PAX2: variants seen among roughly 807,000 people sequenced by gnomAD.
The protein encoded by PAX2 is paired box protein Pax-2.
A neutral mutation model predicts 41.7 loss-of-function variants in PAX2; 9 were observed. The ratio of observed to expected loss-of-function variants is 0.22; its 90% CI spans 0.13 to 0.38. The LOEUF (loss-of-function observed/expected upper bound fraction) is 0.38. Ranked by LOEUF, PAX2 falls within the 10% of genes least tolerant of loss-of-function variation. PAX2 has a pLI of 1.00. For synonymous variants in PAX2, 221 were observed against 212.7 expected, an observed-to-expected ratio of 1.04 and a Z score of -0.34; for missense variants, 418 against 531.6, an observed-to-expected ratio of 0.79 and a Z score of 2.10.
chr10:100,797,839 C>T (rs7081628), intron 5 of PAX2, among the ~76,000 whole-genome samples: 394 of 152,276 alleles, frequency 2.6e-3, no homozygotes, highest in African/African-American at 8.9e-3. Context: ...GGAGATGTTA[C>T]TTCTGGTCCA....
chr10:100,808,788 T>C (rs927905154), intron 6 of PAX2, among the ~76,000 whole-genome samples: 1 of 152,148 alleles, frequency 6.6e-6, no homozygotes, highest in African/African-American at 2.4e-5. Flanking sequence ...CGACATCCCA[T>C]GCCTCTCAAC....
At chr10:100,786,661 G>A (rs372654597) in intron 5 of PAX2, among the ~76,000 whole-genome samples, 1 of 152,236 alleles carries the variant, frequency 6.6e-6, no homozygotes, top group East Asian at 1.9e-4. Flanking sequence ...TCTAAGCCAG[G>A]CCTCAGTGTG....
chr10:100,812,906 T>C (rs1440102549), intron 7 of PAX2, among the ~76,000 whole-genome samples: 4 of 152,194 alleles, frequency 2.6e-5, no homozygotes, highest in Non-Finnish European at 5.9e-5. Flanking sequence ...ACTGTGCAGT[T>C]CCATGCTCTC....
rs79849343 is a variant in PAX2, at chr10:100,773,202, G to A, written c.411-6296G>A. Among the ~76,000 whole-genome samples, 696 of 152,312 alleles carry A rather than the reference G, an allele frequency of 4.6e-3. 3 individuals are homozygous for A. Among genetic ancestry groups the A allele is most frequent in the East Asian group, 0.027 (141 of 5,186 alleles). On this transcript the variant is annotated intron_variant, in intron 3 of 9. Transcript: ENST00000355243. ...TATGTGCAAAATGCGTTGTTGTAAG[G>A]ATTGAGTGAACTATTTATTTGAAGT...
In PAX2 at chr10:100,746,253, G is replaced by A; in HGVS notation, c.-8G>A. 1 of 1,613,598 alleles carries A rather than the reference G, an allele frequency of 6.2e-7. No homozygotes were observed. The highest frequency in any genetic ancestry group is 8.5e-7 in the Non-Finnish European group (1 of 1,179,836). On this transcript the variant is annotated 5_prime_UTR_variant, in exon 1 of 10. Coordinates refer to ENST00000355243, the MANE Select transcript of PAX2 (RefSeq NM_000278.5). ...GCGGCCGCGCTGCTCCCGCTCCTCT[G>A]CCTCCCCATGGATATGCACTGCAAA...
chr10:100,785,429 A>C (rs1411773500), intron 5 of PAX2, among the ~76,000 whole-genome samples: 2 of 152,194 alleles, frequency 1.3e-5, no homozygotes, highest in East Asian at 3.8e-4. Flanking sequence ...ATGATTTTGC[A>C]TTCCATTCAT....
intron 5 of PAX2, among the ~76,000 whole-genome samples, chr10:100,783,113 G>T (rs927875589): frequency 6.6e-6 from 1 of 152,232 alleles, no homozygotes; most frequent in African/African-American, 2.4e-5. Flanking sequence ...TGAGGTTGTG[G>T]TCACCCAGGG....
chr10:100,761,136 G>A (rs983852899), intron 3 of PAX2, among the ~76,000 whole-genome samples: 6 of 152,054 alleles, frequency 3.9e-5, no homozygotes, highest in African/African-American at 9.7e-5. Context: ...GATATGCCTC[G>A]CTAAGTCCTA....
At chr10:100,755,218 T>C (rs1259450304) in intron 3 of PAX2, among the ~76,000 whole-genome samples, 2 of 152,252 alleles carry the variant, frequency 1.3e-5, no homozygotes, top group African/African-American at 4.8e-5. Context: ...GTAGTTGTTT[T>C]AGCCTGGGCT....
intron 3 of PAX2, among the ~76,000 whole-genome samples, chr10:100,757,589 C>T (rs1845678054): frequency 6.6e-6 from 1 of 152,218 alleles, no homozygotes. Flanking sequence ...GGCGCTCTTC[C>T]CAACACAATC....
At chr10:100,744,616 C>T (rs1845082532), upstream of PAX2, among the ~76,000 whole-genome samples, 1 of 152,200 alleles carries the variant, frequency 6.6e-6, no homozygotes, top group Non-Finnish European at 1.5e-5. Flanking sequence ...CCGCAGCCTC[C>T]TCTTCTCCCC....
intron 5 of PAX2, among the ~76,000 whole-genome samples, chr10:100,805,629 A>T (rs1847753011): frequency 6.6e-6 from 1 of 152,206 alleles, no homozygotes; most frequent in African/African-American, 2.4e-5. Context: ...CACCGGTGTG[A>T]TAAGACTCTG....
chr10:100,786,303 A>C (rs143281300), intron 5 of PAX2, among the ~76,000 whole-genome samples: 152 of 152,358 alleles, frequency 1.0e-3, no homozygotes, highest in African/African-American at 3.6e-3. Flanking sequence ...CTTGGGCCAC[A>C]TGTCATCTTT....
At position 100,829,628 on chromosome 10, in the gene PAX2, G is replaced by A. The variant is rs1041691707; in HGVS notation, c.*2009G>A. On this transcript the variant is annotated 3_prime_UTR_variant, in exon 10 of 10. Coordinates refer to ENST00000355243, the MANE Select transcript of PAX2 (RefSeq NM_000278.5). ...GTCCTCGCCCAGATCTCTCTCCCCT[G>A]CGAGCCCTTTTTATTTGAGAAGGAA... 10 of 205,516 alleles carry A rather than the reference G, an allele frequency of 4.9e-5. No homozygotes were observed. The highest frequency in any genetic ancestry group is 1.0e-4 in the Non-Finnish European group (10 of 99,830). The allele number at this position is 205,516 out of a possible 1,614,324, so 12.7% of individuals were successfully genotyped here. A position where few individuals can be genotyped will look rare whatever the true frequency, so the allele number is the denominator to read the frequency against.
At chr10:100,768,868 G>A (rs1846112320) in intron 3 of PAX2, among the ~76,000 whole-genome samples, 1 of 152,192 alleles carries the variant, frequency 6.6e-6, no homozygotes, top group African/African-American at 2.4e-5. Flanking sequence ...TGGCCTTTCT[G>A]TTGTTTCTTA....
intron 3 of PAX2, among the ~76,000 whole-genome samples, chr10:100,768,183 G>A (rs1589832890): frequency 6.6e-6 from 1 of 152,096 alleles, no homozygotes; most frequent in South Asian, 2.1e-4. Context: ...ACAGAAATGG[G>A]CATAACTTGG....
At chr10:100,772,795 A>T (rs545324862) in intron 3 of PAX2, among the ~76,000 whole-genome samples, 1 of 152,352 alleles carries the variant, frequency 6.6e-6, no homozygotes, top group South Asian at 2.1e-4. Flanking sequence ...GGTTTGTTCA[A>T]GCTCTGCTAG....
At chr10:100,761,946 T>TCCTTC (rs1845856103) in intron 3 of PAX2, among the ~76,000 whole-genome samples, 1 of 152,158 alleles carries the variant, frequency 6.6e-6, no homozygotes, top group African/African-American at 2.4e-5. Context: ...TTTCCCACCC[T>TCCTTC]CCTTCCCCAC....
At chr10:100,813,847 G>A (rs1231090129) in intron 7 of PAX2, among the ~76,000 whole-genome samples, 1 of 152,060 alleles carries the variant, frequency 6.6e-6, no homozygotes, top group African/African-American at 2.4e-5. Flanking sequence ...AAAATCCAGG[G>A]CACATGGGAC....
Sources: allele counts gnomAD v4.1 joint callset (sites outside exome capture counted in the v4.1 genomes callset), GRCh38; gene constraint gnomAD v4.1.1; transcripts MANE v1.5; gene names NCBI Gene and HGNC (gene_info 2026-07-23, HGNC 2026-07-21).